The following RBFOX1 variants were observed in gnomAD, a reference collection of about 807,000 sequenced individuals.
RBFOX1 encodes RNA binding protein fox-1 homolog 1.
A neutral mutation model predicts 57.7 loss-of-function variants in RBFOX1; 8 were observed. The observed-to-expected ratio is 0.14, with a 90% CI of 0.08 to 0.25. RBFOX1 has a LOEUF of 0.25. RBFOX1 is among the 10% of genes least tolerant of loss of function. The probability of loss-of-function intolerance (pLI) is 1.00; values close to 1 mark genes in which losing one functional copy is unlikely to be tolerated. For synonymous variants in RBFOX1, 326 were observed against 222.4 expected (o/e 1.47, Z -4.15); for missense variants, 611 against 548.5 (o/e 1.11, Z -1.14).
chr16:7,017,660 A>G (rs999134797), intron 3 of RBFOX1, among the ~76,000 whole-genome samples: 1 of 152,138 alleles, frequency 6.6e-6, no homozygotes. Context: ...TGGCTGATAC[A>G]TGCTTGACCT....
intron 14 of RBFOX1, among the ~76,000 whole-genome samples, chr16:7,699,588 C>G (rs1272736058): frequency 3.3e-5 from 5 of 152,136 alleles, no homozygotes; most frequent in Non-Finnish European, 7.3e-5. Flanking sequence ...GTGGCCAGTC[C>G]ACACCAGGAT....
intron 4 of RBFOX1, among the ~76,000 whole-genome samples, chr16:7,473,468 A>T (rs1418078471): frequency 1.4e-5 from 2 of 148,052 alleles, no homozygotes; most frequent in East Asian, 1.9e-4. Context: ...AAGGTCCTTT[A>T]TACATAATAT....
chr16:7,415,160 T>G (rs1182636128), intron 4 of RBFOX1, among the ~76,000 whole-genome samples: 1 of 152,240 alleles, frequency 6.6e-6, no homozygotes, highest in Non-Finnish European at 1.5e-5. Flanking sequence ...ATTTATTATA[T>G]TGCCATGCCC....
chr16:7,213,475 C>A (rs1218844059), intron 4 of RBFOX1, among the ~76,000 whole-genome samples: 3 of 152,006 alleles, frequency 2.0e-5, no homozygotes, highest in Non-Finnish European at 4.4e-5. Flanking sequence ...TTTAATAGAT[C>A]TGTTCCAAGT....
At chr16:6,557,025 AC>A (rs2097109215) in intron 2 of RBFOX1, among the ~76,000 whole-genome samples, 3 of 135,832 alleles carry the variant, frequency 2.2e-5, no homozygotes, top group African/African-American at 9.9e-5. Context: ...ACATATATAT[AC>A]ATATATACAC....
chr16:5,624,698 A>C (rs370297742), intron 3 of RBFOX1, among the ~76,000 whole-genome samples: 38 of 152,362 alleles, frequency 2.5e-4, no homozygotes, highest in African/African-American at 8.7e-4. Flanking sequence ...TGCAATGCAT[A>C]TGCATCAGGC....
chr16:6,933,395 C>T (rs1240976688), intron 3 of RBFOX1, among the ~76,000 whole-genome samples: 1 of 152,216 alleles, frequency 6.6e-6, no homozygotes, highest in Non-Finnish European at 1.5e-5. Context: ...TCATTGCCAA[C>T]ACTTATATTC....
At position 6,812,521 on chromosome 16, in the gene RBFOX1, A is replaced by G. The variant is rs1297714202; in HGVS notation, c.-16+157871A>G. On this transcript the variant is annotated intron_variant, in intron 3 of 15. Transcript: ENST00000550418. ...ACTGAGTAGCTGGGATTACAGGCAC[A>G]TGACACCACGCCCAGCTAATTTTTT... is the stretch of plus-strand genomic sequence containing the variant. 1.3e-5 allele frequency among the ~76,000 whole-genome samples: 2 copies of G among 151,984 alleles called. 1 individual carries two copies.
intron 1 of RBFOX1, among the ~76,000 whole-genome samples, chr16:5,443,965 C>T (rs1227034500): frequency 6.6e-6 from 1 of 152,132 alleles, no homozygotes; most frequent in Non-Finnish European, 1.5e-5. Flanking sequence ...GCATGTCAAC[C>T]ATCGGCTCAT....
At chr16:7,006,327 G>A (rs947007868) in intron 3 of RBFOX1, among the ~76,000 whole-genome samples, 4 of 151,982 alleles carry the variant, frequency 2.6e-5, no homozygotes, top group African/African-American at 4.8e-5. Context: ...GCTAATTTTT[G>A]TATTTTTAGT....
intron 3 of RBFOX1, among the ~76,000 whole-genome samples, chr16:6,955,329 T>C (rs2081554527): frequency 6.8e-6 from 1 of 146,290 alleles, no homozygotes; most frequent in African/African-American, 2.6e-5. Flanking sequence ...TCTTTCACCT[T>C]TAAGCCTTCC....
chr16:5,538,678 T>C lies in RBFOX1; in HGVS notation c.259-60224T>C, dbSNP rs543309437. Among the ~76,000 whole-genome samples the C allele has an allele frequency of 7.9e-5, 12 of 151,280 alleles. No homozygotes were observed. In the East Asian group the frequency reaches 9.7e-4, roughly 12 times the overall value. On this transcript the variant is annotated intron_variant, in intron 2 of 2. Coordinates refer to the RBFOX1 transcript ENST00000585867. ...CTTACCCTTGTTGCCTAGGCTGGAG[T>C]GCAGTGGTGTGATCTCCGCTCACTG...
chr16:5,509,805 A>C (rs1462764980), intron 2 of RBFOX1, among the ~76,000 whole-genome samples: 1 of 152,188 alleles, frequency 6.6e-6, no homozygotes, highest in Non-Finnish European at 1.5e-5. Context: ...TCTTGGAGGC[A>C]AAGTTGACAG....
intron 3 of RBFOX1, among the ~76,000 whole-genome samples, chr16:7,014,743 G>T (rs1281715995): frequency 6.6e-6 from 1 of 151,974 alleles, no homozygotes. Flanking sequence ...TTGTTTTTTC[G>T]AGATGGAGTC....
At chr16:6,300,336 C>G (rs903824480) in intron 1 of RBFOX1, among the ~76,000 whole-genome samples, 1 of 152,016 alleles carries the variant, frequency 6.6e-6, no homozygotes, top group Non-Finnish European at 1.5e-5. Context: ...AGTGTTCTCA[C>G]CACAAAAAAG....
intron 3 of RBFOX1, among the ~76,000 whole-genome samples, chr16:6,915,541 C>A (rs1429348309): frequency 2.3e-5 from 3 of 132,994 alleles, no homozygotes; most frequent in Non-Finnish European, 3.2e-5. Flanking sequence ...TCCTCACCCC[C>A]ACACCCCCCT....
chr16:5,404,195 A>C (rs565416230), intron 1 of RBFOX1, among the ~76,000 whole-genome samples: 1 of 152,106 alleles, frequency 6.6e-6, no homozygotes, highest in Non-Finnish European at 1.5e-5. Context: ...AATTCATACA[A>C]TGTACCTTAT....
At chr16:6,478,901 A>G (rs1016553823) in intron 2 of RBFOX1, among the ~76,000 whole-genome samples, 1 of 152,200 alleles carries the variant, frequency 6.6e-6, no homozygotes, top group Non-Finnish European at 1.5e-5. Flanking sequence ...AGCAATAATG[A>G]AAAGGTTTGA....
chr16:6,062,299 G>A (rs939625238), intron 1 of RBFOX1, among the ~76,000 whole-genome samples: 1 of 149,654 alleles, frequency 6.7e-6, no homozygotes, highest in African/African-American at 2.5e-5. Flanking sequence ...TAGCCCCCCT[G>A]CCCTCTCAAG....
Sources: allele counts gnomAD v4.1 joint callset (sites outside exome capture counted in the v4.1 genomes callset), GRCh38; gene constraint gnomAD v4.1.1; transcripts MANE v1.5; gene names NCBI Gene and HGNC (gene_info 2026-07-23, HGNC 2026-07-21).